The following ZKSCAN7 variants were observed in gnomAD, a reference collection of about 807,000 sequenced individuals.
ZKSCAN7 encodes the protein zinc finger protein with KRAB and SCAN domains 7.
In ZKSCAN7, 38 loss-of-function variants were observed where a neutral mutation model predicts 65.3. That is an observed-to-expected ratio of 0.58 (90% CI 0.45 to 0.76). ZKSCAN7 has a LOEUF of 0.76. Among genes scored for constraint, ZKSCAN7 ranks in the 30% least tolerant of loss-of-function variants. ZKSCAN7 has a pLI of 0.00. For missense variants in ZKSCAN7, 815 were observed against 913.3 expected (o/e 0.89, Z 1.39); for synonymous variants, 321 against 321.0 (o/e 1.00, Z 0.00).
At position 44,568,355 on chromosome 3, in the gene ZKSCAN7, T is replaced by C; in HGVS notation, c.733T>C (p.Trp245Arg). 9 of 1,614,064 alleles carry C rather than the reference T, an allele frequency of 5.6e-6. No individual in the cohort carries two copies. Among genetic ancestry groups the C allele is most frequent in the Non-Finnish European group, 6.8e-6 (8 of 1,180,008 alleles). The change falls in exon 5 of 6, where the codon TGG (tryptophan) becomes CGG (arginine). Residue 245 changes from tryptophan to arginine, a missense_variant. By Grantham distance (101) the Trp-to-Arg change is moderately radical. Around this residue, in one of 3 missense-constraint regions of ZKSCAN7, gnomAD observed 578 missense variants for 629.5 expected, o/e 0.92. Coordinates refer to ENST00000426540, the MANE Select transcript of ZKSCAN7 (RefSeq NM_001288590.2). ...ATCTGTAGACTACACTCAGAAGAAA[T>C]GGAAAAGTCTCACACTCAGTCAGAG... ...DLSVDYTQKK[W>R]KSLTLSQRAL...
chr3:44,565,739 A>G (rs923279523), intron 3 of ZKSCAN7, 84 bp downstream of exon 3: 6 of 1,321,218 alleles, frequency 4.5e-6, no homozygotes, highest in Non-Finnish European at 5.0e-6. Context: ...CCCATCTCCT[A>G]CTCCATGGAA....
In ZKSCAN7 at chr3:44,571,631, A is replaced by C; in HGVS notation, c.*256A>C. ...TTACTTTTAAATTTTAACTTTTAAA[A>C]TCTATTTCATTTCTTAGTTATGCAT... On this transcript the variant is annotated 3_prime_UTR_variant, in exon 6 of 6. Coordinates refer to ENST00000426540, the MANE Select transcript of ZKSCAN7 (RefSeq NM_001288590.2). 7.6e-7 allele frequency: 1 copy of C among 1,323,208 alleles called. No homozygotes were observed. The highest frequency in any genetic ancestry group is 9.6e-7 in the Non-Finnish European group (1 of 1,038,058). The allele number at this position is 1,323,208 out of a possible 1,614,324, so 82.0% of individuals were successfully genotyped here.
chr3:44,570,570 G>T lies in ZKSCAN7; in HGVS notation c.1460G>T (p.Arg487Ile). 6.2e-7 allele frequency: 1 copy of T among 1,612,636 alleles called. No homozygotes were observed. Among genetic ancestry groups the T allele is most frequent in the Non-Finnish European group, 8.5e-7 (1 of 1,178,696 alleles). Residue 487 changes from arginine to isoleucine, a missense_variant, in exon 6 of 6, where the codon AGA becomes ATA. Transcript: ENST00000426540. ...AGTTCCCGACTCACTGACCACCAGAGAACCCATACTGGGGAGAAACCTTAT... is the reference window on the plus strand; with the variant it reads ...AGTTCCCGACTCACTGACCACCAGATAACCCATACTGGGGAGAAACCTTAT... ...TQSSRLTDHQ[R>I]THTGEKPYEC...
intron 5 of ZKSCAN7, among the ~76,000 whole-genome samples, chr3:44,568,966 C>T (rs9867336): frequency 0.33 from 49,538 of 152,120 alleles, 8,807 homozygotes; most frequent in African/African-American, 0.41. Flanking sequence ...TGTTCTTTTA[C>T]ACTTGTTGCT....
chr3:44,567,178 AAAG>A (rs777990924), intron 3 of ZKSCAN7, among the ~76,000 whole-genome samples: 195 of 39,850 alleles, frequency 4.9e-3, no homozygotes, highest in Middle Eastern at 0.042. Flanking sequence ...AGAGAAAAGA[AAAG>A]AGAGAAAAGA....
intron 3 of ZKSCAN7, among the ~76,000 whole-genome samples, 187 bp from the exon 4 acceptor site, chr3:44,567,725 C>G (rs1029404998): frequency 6.6e-6 from 1 of 151,760 alleles, no homozygotes; most frequent in Non-Finnish European, 1.5e-5. Context: ...CAGCTTGATC[C>G]GGGACCTTGT....
chr3:44,561,806 A>G (rs1699482528), intron 2 of ZKSCAN7, among the ~76,000 whole-genome samples: 1 of 152,226 alleles, frequency 6.6e-6, no homozygotes, highest in Non-Finnish European at 1.5e-5. Context: ...ATGCTGATGC[A>G]AGAGATCAGT....
At chr3:44,568,267 G>C (rs1165100376) in intron 4 of ZKSCAN7, 40 bp from the exon 5 acceptor site, 1 of 1,600,814 alleles carries the variant, frequency 6.2e-7, no homozygotes, top group Non-Finnish European at 8.5e-7. Context: ...TGCCCTTCAG[G>C]CTGTGAATGT....
chr3:44,555,775 C>CTCTTTA (rs1699272422), intron 1 of ZKSCAN7, among the ~76,000 whole-genome samples: 7 of 152,216 alleles, frequency 4.6e-5, no homozygotes, highest in African/African-American at 1.4e-4. Flanking sequence ...GAGATTGAGA[C>CTCTTTA]ACAGGGATCT....
chr3:44,580,180 GGGGCAGCTGCT>G, intron 5 of ZKSCAN7: 1 of 1,610,130 alleles, frequency 6.2e-7, no homozygotes, highest in East Asian at 2.2e-5. Flanking sequence ...GAGAGCGGCG[GGGGCAGCTGCT>G]GTTCTTCGGC....
intron 2 of ZKSCAN7, among the ~76,000 whole-genome samples, chr3:44,563,120 C>T (rs1699530873): frequency 6.6e-6 from 1 of 152,124 alleles, no homozygotes; most frequent in South Asian, 2.1e-4. Context: ...GCTCCAGTTC[C>T]CAATATGTTT....
At chr3:44,579,090 G>A (rs1005274014) in intron 5 of ZKSCAN7, among the ~76,000 whole-genome samples, 2 of 152,204 alleles carry the variant, frequency 1.3e-5, no homozygotes, top group Admixed American at 1.3e-4. Flanking sequence ...TTCTCTTCCC[G>A]GAGAGGCGTG....
intron 5 of ZKSCAN7, chr3:44,580,066 C>T (rs1559434633): frequency 6.3e-7 from 1 of 1,595,514 alleles, no homozygotes; most frequent in Non-Finnish European, 8.6e-7. Context: ...GGCGAGGGCC[C>T]CACTGCATTG....
chr3:44,563,584 C>T (rs1263196612), intron 2 of ZKSCAN7, among the ~76,000 whole-genome samples: 1 of 152,132 alleles, frequency 6.6e-6, no homozygotes, highest in African/African-American at 2.4e-5. Context: ...GTGCCACACA[C>T]TTTTAAACAA....
At chr3:44,574,028 T>G (rs1016864515), downstream of ZKSCAN7, among the ~76,000 whole-genome samples, 1 of 152,236 alleles carries the variant, frequency 6.6e-6, no homozygotes, top group Non-Finnish European at 1.5e-5. Flanking sequence ...TGGACTGTTA[T>G]GTTGCTGAAT....
At chr3:44,579,835 G>T in intron 5 of ZKSCAN7, 1 of 1,611,614 alleles carries the variant, frequency 6.2e-7, no homozygotes, top group South Asian at 1.1e-5. Flanking sequence ...TCCACTGGCT[G>T]TCCTCATACT....
Position 44,572,144 on chromosome 3 carries a change from A to C in ZKSCAN7, c.*769A>C. On this transcript the variant is annotated 3_prime_UTR_variant, in exon 6 of 6. Transcript: ENST00000426540. ...GTACATACCAGTTGTTAAATAAATA[A>C]TTTTTAAAATCTCAGCTCTCACATT... 1.0e-6 allele frequency: 1 copy of C among 985,322 alleles called. No homozygotes were observed. Among genetic ancestry groups the C allele is most frequent in the Non-Finnish European group, 1.2e-6 (1 of 829,844 alleles). The allele number at this position is 985,322 out of a possible 1,614,324, so 61.0% of individuals were successfully genotyped here.
Position 44,571,498 on chromosome 3 carries a change from T to G in ZKSCAN7, c.*123T>G. 1 of 1,585,752 alleles carries G rather than the reference T, an allele frequency of 6.3e-7. No individual in the cohort carries two copies. Among genetic ancestry groups the G allele is most frequent in the Non-Finnish European group, 8.5e-7 (1 of 1,170,850 alleles). On this transcript the variant is annotated 3_prime_UTR_variant, in exon 6 of 6. Transcript: ENST00000426540. ...GGACCATTCCCTACTTGCTTTTCCT[T>G]GGATCACTAAGGTGGGAGAGTAGGA...
intron 2 of ZKSCAN7, among the ~76,000 whole-genome samples, chr3:44,558,736 CTCTT>C (rs1699373163): frequency 6.9e-6 from 1 of 145,454 alleles, no homozygotes; most frequent in East Asian, 2.0e-4. Flanking sequence ...TCCTTTTATT[CTCTT>C]TCTTCTTCTT....
Sources: gnomAD v4.1 joint callset for allele counts (sites outside exome capture counted in the v4.1 genomes callset) on GRCh38, gnomAD v4.1.1 for gene constraint, gnomAD v4.1.1 regional missense constraint, MANE v1.5 for transcripts, NCBI Gene and HGNC (gene_info 2026-07-23, HGNC 2026-07-21) for gene names.